ASAH2: variants seen among roughly 807,000 people sequenced by gnomAD.
The protein encoded by ASAH2 is neutral ceramidase.
A neutral mutation model predicts 82.9 loss-of-function variants in ASAH2; 58 were observed. The observed-to-expected ratio is 0.70, with a 90% CI of 0.57 to 0.87. The LOEUF (loss-of-function observed/expected upper bound fraction) is 0.87, where lower values mean the gene tolerates loss of function less well. ASAH2 is among the 40% of genes least tolerant of loss of function. The pLI is 0.00. For missense variants in ASAH2, 779 were observed against 834.0 expected (o/e 0.93, Z 0.81); for synonymous variants, 276 against 289.7 (o/e 0.95, Z 0.48).
chr10:50,204,070 G>T (rs1198453523), intron 14 of ASAH2, among the ~76,000 whole-genome samples: 1 of 151,982 alleles, frequency 6.6e-6, no homozygotes, highest in Non-Finnish European at 1.5e-5. Flanking sequence ...TGAGTAAAGG[G>T]GAGAGAGGTA....
intron 8 of ASAH2, among the ~76,000 whole-genome samples, chr10:50,217,553 T>C (rs1166565342): frequency 1.3e-5 from 2 of 152,158 alleles, no homozygotes; most frequent in African/African-American, 4.8e-5. Context: ...GTCATGAATA[T>C]TTATGTGCAA....
In ASAH2 at chr10:50,221,071, G is replaced by A. The variant is rs193229981; in HGVS notation, c.894-2441C>T. On this transcript the variant is annotated intron_variant, in intron 7 of 20. Transcript: ENST00000682911. ...GTGAGCTGAATTCAGTCCCTGACATGGCTATTTGCCCCTGTGCTAAGGAAT... is the reference window on the plus strand; with the variant it reads ...GTGAGCTGAATTCAGTCCCTGACATAGCTATTTGCCCCTGTGCTAAGGAAT... Among the ~76,000 whole-genome samples the A allele has an allele frequency of 3.1e-3, 478 of 152,210 alleles. 3 individuals carry two copies. Among genetic ancestry groups the A allele is most frequent in the African/African-American group, 0.011 (462 of 41,548 alleles).
Position 50,199,085 on chromosome 10 carries a change from T to C in ASAH2, c.1823A>G (p.Gln608Arg). ...YGPHTLSAYI[Q>R]LFRNLAKAIA... ...AGCCTTAGCAAGGTTTCTGAAGAGC[T>C]GAATGTAAGCAGATAATGTGTGCGG... The change falls in exon 17 of 21, where the codon CAG becomes CGG. Residue 608 changes from glutamine (Q) to arginine (R), a missense_variant. Coordinates refer to ENST00000682911, the MANE Select transcript of ASAH2 (RefSeq NM_019893.4). The C allele has an allele frequency of 6.2e-7, 1 of 1,613,298 alleles. No homozygotes were observed. Among genetic ancestry groups the C allele is most frequent in the South Asian group, 1.1e-5 (1 of 91,074 alleles).
At chr10:50,197,730 G>A (rs1226632717) in intron 17 of ASAH2, among the ~76,000 whole-genome samples, 3 of 151,972 alleles carry the variant, frequency 2.0e-5, no homozygotes, top group East Asian at 1.9e-4. Context: ...AAATTTGACT[G>A]TAAAACAAAT....
At chr10:50,248,872 C>T (rs1846542616) in intron 1 of ASAH2, among the ~76,000 whole-genome samples, 1 of 152,220 alleles carries the variant, frequency 6.6e-6, no homozygotes, top group African/African-American at 2.4e-5. Flanking sequence ...CAACACTCCT[C>T]CTGGCAGCAA....
At chr10:50,209,638 A>G (rs1026350504) in intron 12 of ASAH2, among the ~76,000 whole-genome samples, 5 of 152,116 alleles carry the variant, frequency 3.3e-5, no homozygotes, top group Admixed American at 1.3e-4. Context: ...TATATCACAC[A>G]TCTGATAAGG....
rs1167755851 is a variant in ASAH2 at position 50,199,616 on chromosome 10, C to A, written c.1762-470G>T. 1.5e-4 allele frequency among the ~76,000 whole-genome samples: 22 copies of A among 147,446 alleles called. 1 individual carries two copies. The highest frequency in any genetic ancestry group is 3.1e-4 in the Non-Finnish European group (21 of 67,038). On this transcript the variant is annotated intron_variant, in intron 16 of 20. Transcript: ENST00000682911. ...ATGCATCTTTTAGCTGACCTCCAGG[C>A]CTTTGGTTCTTCTACAGGAATTTCA...
chr10:50,221,972 C>T lies in ASAH2; in HGVS notation c.894-3342G>A, dbSNP rs1051755933. ...GCTACGCAAAGGAATCACTAGATAA[C>T]GAGTACTCCTAGCAGAGGAAATAAC... On this transcript the variant is annotated intron_variant, in intron 7 of 20. Transcript: ENST00000682911. Among the ~76,000 whole-genome samples the T allele has an allele frequency of 3.9e-5, 6 of 152,172 alleles. No homozygotes were observed. In the South Asian group the frequency reaches 8.3e-4, roughly 21 times the overall value.
intron 13 of ASAH2, among the ~76,000 whole-genome samples, chr10:50,205,722 T>C (rs938161644): frequency 6.6e-6 from 1 of 152,014 alleles, no homozygotes; most frequent in Non-Finnish European, 1.5e-5. Context: ...AAGATAAATG[T>C]TCATCTTATT....
At chr10:50,224,049 G>C (rs1340757154) in intron 7 of ASAH2, among the ~76,000 whole-genome samples, 1 of 152,158 alleles carries the variant, frequency 6.6e-6, no homozygotes, top group Non-Finnish European at 1.5e-5. Flanking sequence ...TTGATAATGT[G>C]TGGCTTCCCT....
rs922984991 is a variant in ASAH2 at position 50,238,324 on chromosome 10, C to T, written c.511-2260G>A. 2.4e-3 allele frequency among the ~76,000 whole-genome samples: 359 copies of T among 152,294 alleles called. 1 individual carries two copies. Among genetic ancestry groups the T allele is most frequent in the African/African-American group, 6.0e-3 (248 of 41,584 alleles). On this transcript the variant is annotated intron_variant, in intron 4 of 20. Transcript: ENST00000682911. ...TGCAGGTGAAGATCTACACCATTCT[C>T]ATTCCAGTCATAACCACCTTGCCTC...
intron 4 of ASAH2, among the ~76,000 whole-genome samples, chr10:50,240,198 G>C (rs1210380353): frequency 6.6e-6 from 1 of 152,032 alleles, no homozygotes; most frequent in East Asian, 1.9e-4. Context: ...AGATCTTTGT[G>C]CCAGTCTCAC....
At chr10:50,204,646 A>C (rs1845247211) in intron 14 of ASAH2, among the ~76,000 whole-genome samples, 1 of 151,772 alleles carries the variant, frequency 6.6e-6, no homozygotes, top group African/African-American at 2.4e-5. Flanking sequence ...TTTAATTTTC[A>C]TGTCTGCCTC....
At chr10:50,211,682 G>T (rs1845457811) in intron 10 of ASAH2, among the ~76,000 whole-genome samples, 2 of 152,242 alleles carry the variant, frequency 1.3e-5, no homozygotes, top group African/African-American at 4.8e-5. Flanking sequence ...AATCTTATGG[G>T]AAACATGAGT....
At chr10:50,236,474 G>A (rs1846161859) in intron 4 of ASAH2, among the ~76,000 whole-genome samples, 1 of 152,056 alleles carries the variant, frequency 6.6e-6, no homozygotes, top group African/African-American at 2.4e-5. Context: ...TCCCTCCCAC[G>A]ACACATGGGG....
At chr10:50,199,029 C>T (rs1253394392) in intron 17 of ASAH2, 22 bp downstream of exon 17, 144 of 1,610,888 alleles carry the variant, frequency 8.9e-5, no homozygotes, top group Admixed American at 1.5e-4. Flanking sequence ...CGCGCATGCA[C>T]GCACAAACAA....
At chr10:50,209,585 G>C (rs2133205619) in intron 12 of ASAH2, among the ~76,000 whole-genome samples, 1 of 152,222 alleles carries the variant, frequency 6.6e-6, no homozygotes, top group Admixed American at 6.5e-5. Context: ...CTGACCTGAT[G>C]ATCTGCCCAC....
At chr10:50,244,555 T>C (rs2842123) in intron 3 of ASAH2, among the ~76,000 whole-genome samples, 84,174 of 152,138 alleles carry the variant, frequency 0.55, 28,020 homozygotes, top group Non-Finnish European at 0.75. Context: ...GGTTTCCTAG[T>C]GAAGCACTGA....
At position 50,204,999 on chromosome 10, in the gene ASAH2, C is replaced by G. The variant is rs1048462718; in HGVS notation, c.1531-44G>C. 175 of 1,368,530 alleles carry G rather than the reference C, an allele frequency of 1.3e-4. No homozygotes were observed. The South Asian group carries it at 1.3e-3, about 10-fold the overall frequency. The allele number at this position is 1,368,530 out of a possible 1,614,324, so 84.8% of individuals were successfully genotyped here. On this transcript the variant is annotated intron_variant, in intron 13 of 20. Transcript: ENST00000682911. Reference sequence around the variant, plus strand: ...AAAATTATGTTAGGGATAACACTCTCTCTATGGTCAACAGACATATAGTGG... The same window carrying G: ...AAAATTATGTTAGGGATAACACTCTGTCTATGGTCAACAGACATATAGTGG...
Sources: gnomAD v4.1 joint callset for allele counts (sites outside exome capture counted in the v4.1 genomes callset) on GRCh38, gnomAD v4.1.1 for gene constraint, MANE v1.5 for transcripts, NCBI Gene and HGNC (gene_info 2026-07-23, HGNC 2026-07-21) for gene names.